The following LPCAT1 variants were observed in gnomAD, a reference collection of about 807,000 sequenced individuals.
LPCAT1 encodes the protein lysophosphatidylcholine acyltransferase 1.
LPCAT1 carries 23 observed loss-of-function variants against 60.9 expected under a neutral mutation model. The observed-to-expected ratio is 0.38, with a 90% CI of 0.27 to 0.53. LPCAT1 has a LOEUF of 0.53. Among genes scored for constraint, LPCAT1 ranks in the 20% least tolerant of loss-of-function variants. The probability of loss-of-function intolerance (pLI) is 0.82; values close to 1 mark genes in which losing one functional copy is unlikely to be tolerated. For synonymous variants in LPCAT1, 340 were observed against 301.1 expected (o/e 1.13, Z -1.34); for missense variants, 622 against 723.6 (o/e 0.86, Z 1.61).
intron 1 of LPCAT1, among the ~76,000 whole-genome samples, chr5:1,515,185 G>C (rs1007113902): frequency 6.7e-5 from 10 of 148,182 alleles, no homozygotes; most frequent in Admixed American, 4.7e-4. Context: ...CCTGCATCAG[G>C]GGATCCTGCT....
chr5:1,475,912 A>T (rs1734895804), intron 9 of LPCAT1, among the ~76,000 whole-genome samples: 1 of 151,516 alleles, frequency 6.6e-6, no homozygotes, highest in Non-Finnish European at 1.5e-5. Context: ...CAGGAGTCCG[A>T]GGCTGCTTCT....
intron 13 of LPCAT1, among the ~76,000 whole-genome samples, chr5:1,465,892 CGCACACACACGTGT>C (rs536294395): frequency 2.6e-5 from 4 of 151,506 alleles, no homozygotes; most frequent in African/African-American, 9.7e-5. Context: ...CAGGCGCACA[CGCACACACACGTGT>C]GCACACACAC....
rs1229720414 is a variant in LPCAT1 at position 1,483,216 on chromosome 5, C to G, written c.726+212G>C. Among the ~76,000 whole-genome samples the G allele has an allele frequency of 6.6e-6, 1 of 152,164 alleles. No individual in the cohort carries two copies. Among genetic ancestry groups the G allele is most frequent in the Non-Finnish European group, 1.5e-5 (1 of 68,030 alleles). Reference sequence around the variant, plus strand: ...GTTGATCAGGGACACGTGCATAGAACAGGCCGCACTCAGGAACGTGCCGAG... The same window carrying G: ...GTTGATCAGGGACACGTGCATAGAAGAGGCCGCACTCAGGAACGTGCCGAG... On this transcript the variant is annotated intron_variant, in intron 6 of 13. Coordinates refer to ENST00000283415, the MANE Select transcript of LPCAT1 (RefSeq NM_024830.5). The surrounding 1 kb of genome is among the most constrained non-coding windows in gnomAD (Gnocchi z 9.2).
chr5:1,490,771 G>A (rs1735547530), intron 3 of LPCAT1, among the ~76,000 whole-genome samples: 1 of 152,194 alleles, frequency 6.6e-6, no homozygotes, highest in Non-Finnish European at 1.5e-5. Flanking sequence ...AGGATTGAAC[G>A]TGGAAACATA....
intron 13 of LPCAT1, among the ~76,000 whole-genome samples, chr5:1,465,660 C>T (rs1390518448): frequency 1.3e-5 from 2 of 151,762 alleles, no homozygotes; most frequent in Admixed American, 6.6e-5. Flanking sequence ...TAACTAAACA[C>T]GTGCGCTTTC....
intron 12 of LPCAT1, chr5:1,467,275 T>G (rs951109195): frequency 9.2e-6 from 2 of 216,790 alleles, no homozygotes; most frequent in African/African-American, 4.6e-5. Flanking sequence ...CACGGCCCTC[T>G]GCCTCCGTGA....
chr5:1,499,089 C>T (rs755269831), intron 2 of LPCAT1, among the ~76,000 whole-genome samples: 4 of 152,210 alleles, frequency 2.6e-5, no homozygotes, highest in Admixed American at 6.5e-5. Context: ...CATATGAAAG[C>T]GTCTCTGAAG....
At chr5:1,508,744 C>T (rs1187763286) in intron 1 of LPCAT1, among the ~76,000 whole-genome samples, 2 of 152,244 alleles carry the variant, frequency 1.3e-5, no homozygotes, top group African/African-American at 4.8e-5. Flanking sequence ...TAAACAAGGC[C>T]ATCCAAATGT....
intron 1 of LPCAT1, among the ~76,000 whole-genome samples, chr5:1,509,887 G>A (rs753378831): frequency 1.2e-4 from 19 of 152,162 alleles, no homozygotes; most frequent in African/African-American, 4.3e-4. Flanking sequence ...CCCGAGGCAC[G>A]GCCCGCACCC....
chr5:1,467,970 T>C (rs1195481446), intron 12 of LPCAT1, among the ~76,000 whole-genome samples: 1 of 152,096 alleles, frequency 6.6e-6, no homozygotes, highest in Non-Finnish European at 1.5e-5. Context: ...GCTGTGATCT[T>C]GTGAGCGTTT....
In LPCAT1 at chr5:1,470,939, G is replaced by A. The variant is rs372104340; in HGVS notation, c.1180-15C>T. On this transcript the variant is annotated splice_polypyrimidine_tract_variant and intron_variant, in intron 11 of 13. Transcript: ENST00000283415. ...CCGCTGCCGCTCTGTGGGGAGAGAC[G>A]CTCTCAGCCACAGCTCGGCCGCCTT... The A allele has an allele frequency of 4.5e-5, 73 of 1,607,882 alleles. No homozygotes were observed. The highest frequency in any genetic ancestry group is 1.7e-4 in the Middle Eastern group (1 of 6,036).
At chr5:1,484,666 T>C (rs1214297965) in intron 5 of LPCAT1, among the ~76,000 whole-genome samples, 3 of 152,186 alleles carry the variant, frequency 2.0e-5, no homozygotes, top group African/African-American at 7.2e-5. Context: ...AATTCTCCCT[T>C]CACGGTGGCC....
rs925943061 is a variant in LPCAT1, at chr5:1,494,412, G to A, written c.493+288C>T. On this transcript the variant is annotated intron_variant, in intron 3 of 13. Transcript: ENST00000283415. The stretch of plus-strand genomic sequence containing the variant: ...GGGGCTCGATCACTCCCAGCAGCGT[G>A]GTGGGGGGGGGGTCCCTCACTCCCG... Among the ~76,000 whole-genome samples, 233 of 149,866 alleles carry A rather than the reference G, an allele frequency of 1.6e-3. 1 individual carries two copies. The highest frequency in any genetic ancestry group is 5.7e-3 in the African/African-American group (228 of 39,864).
chr5:1,492,779 T>C (rs1735639071), intron 3 of LPCAT1, among the ~76,000 whole-genome samples: 1 of 152,128 alleles, frequency 6.6e-6, no homozygotes, highest in African/African-American at 2.4e-5. Flanking sequence ...CTCCTTCGTG[T>C]TGGTGATCTC....
Position 1,516,505 on chromosome 5 carries a change from CTG to C in LPCAT1, c.135+7203_135+7204del, listed in dbSNP as rs1489726003. On this transcript the variant is annotated intron_variant, in intron 1 of 13. Transcript: ENST00000283415. ...CCCAGCCCGGCGGCATCCCCACTGT[CTG>C]TGCATGGACACCAGCCCTCCCTGGC... Among the ~76,000 whole-genome samples, 6 of 152,242 alleles carry C rather than the reference CTG, an allele frequency of 3.9e-5. No homozygotes were observed. In the East Asian group the frequency reaches 1.2e-3, roughly 29 times the overall value.
chr5:1,480,826 G>T lies in LPCAT1; in HGVS notation c.761+116C>A. The stretch of plus-strand genomic sequence containing the variant: ...TCACAATGGGCTGAACCTAACGGCT[G>T]TCCCACACCTGCTTTCACAACTGCA... On this transcript the variant is annotated intron_variant, in intron 7 of 13. Transcript: ENST00000283415. The surrounding 1 kb of genome is among the most constrained non-coding windows in gnomAD (Gnocchi z 6.4). 1 of 1,261,200 alleles carries T rather than the reference G, an allele frequency of 7.9e-7. No homozygotes were observed. Among genetic ancestry groups the T allele is most frequent in the Non-Finnish European group, 1.2e-6 (1 of 860,316 alleles). The allele number at this position is 1,261,200 out of a possible 1,614,324, so 78.1% of individuals were successfully genotyped here.
In LPCAT1 at chr5:1,463,616, G is replaced by A. The variant is rs530054380; in HGVS notation, c.*35C>T. 1.2e-5 allele frequency: 19 copies of A among 1,608,404 alleles called. No individual in the cohort carries two copies. The African/African-American group carries it at 2.3e-4, about 19-fold the overall frequency. ...AGAGGCTCATGGCGGTGATGTCCAC[G>A]CGGGAGGGGCCGCGTCTCTCCGCAA... On this transcript the variant is annotated 3_prime_UTR_variant, in exon 14 of 14. Transcript: ENST00000283415.
At chr5:1,506,117 A>G (rs923589246) in intron 1 of LPCAT1, among the ~76,000 whole-genome samples, 1 of 152,220 alleles carries the variant, frequency 6.6e-6, no homozygotes, top group African/African-American at 2.4e-5. Context: ...GAGAGGGAAC[A>G]TGGCCAGGGA....
At chr5:1,474,801 A>T in intron 9 of LPCAT1, 116 bp from the exon 10 acceptor site, 1 of 1,367,374 alleles carries the variant, frequency 7.3e-7, no homozygotes, top group Non-Finnish European at 9.8e-7. Flanking sequence ...AGGCAGTGAG[A>T]CAGGGGAAGG....
Sources: gnomAD v4.1 joint callset for allele counts (sites outside exome capture counted in the v4.1 genomes callset) on GRCh38, gnomAD v4.1.1 for gene constraint, Gnocchi (gnomAD v3.1) non-coding constraint, MANE v1.5 for transcripts, NCBI Gene and HGNC (gene_info 2026-07-23, HGNC 2026-07-21) for gene names.